The following CNTN5 variants were observed in gnomAD, a reference collection of about 807,000 sequenced individuals.
CNTN5 encodes the protein contactin-5.
CNTN5 carries 77 observed loss-of-function variants against 129.1 expected under a neutral mutation model. That is an observed-to-expected ratio of 0.60 (90% CI 0.50 to 0.72). The LOEUF (loss-of-function observed/expected upper bound fraction) is 0.72, where lower values mean the gene tolerates loss of function less well. Ranked by LOEUF, CNTN5 falls within the 30% of genes least tolerant of loss-of-function variation. The pLI is 0.00. For missense variants in CNTN5, 1,478 were observed against 1,328.8 expected (o/e 1.11, Z -1.75); for synonymous variants, 509 against 465.6 (o/e 1.09, Z -1.20).
chr11:100,350,721 G>A lies in CNTN5; in HGVS notation c.3050G>A (p.Gly1017Asp). 4 of 1,606,710 alleles carry A rather than the reference G, an allele frequency of 2.5e-6. No homozygotes were observed. The highest frequency in any genetic ancestry group is 3.4e-6 in the Non-Finnish European group (4 of 1,175,618). ...TCTCAGGTTTTTTATAGGCAAGAGG[G>A]TCACAGCAACAGCCAAGTTATTGAA... ...VGYKVFYRQE[G>D]HSNSQVIETQ... The change falls in exon 24 of 25, where the codon GGT becomes GAT. Residue 1017 changes from glycine (G) to aspartate (D), a missense_variant. Transcript: ENST00000524871.
At chr11:99,497,713 C>T (rs943437077) in intron 2 of CNTN5, among the ~76,000 whole-genome samples, 2 of 152,116 alleles carry the variant, frequency 1.3e-5, no homozygotes, top group African/African-American at 4.8e-5. Flanking sequence ...TTGGAGACTT[C>T]TTCCTACCAC....
At chr11:100,028,660 T>G (rs1308182310) in intron 9 of CNTN5, among the ~76,000 whole-genome samples, 1 of 152,192 alleles carries the variant, frequency 6.6e-6, no homozygotes, top group Non-Finnish European at 1.5e-5. Flanking sequence ...TCTGCTGCCC[T>G]TCAGCTTTTC....
At position 99,196,807 on chromosome 11, in the gene CNTN5, T is replaced by C. The variant is rs139568179; in HGVS notation, c.-209-128539T>C. Reference sequence around the variant, plus strand: ...ACAAAATTTTAAAACTTGTTTAACTTAATATGAAGATTAAATTATAAACAT... The same window carrying C: ...ACAAAATTTTAAAACTTGTTTAACTCAATATGAAGATTAAATTATAAACAT... On this transcript the variant is annotated intron_variant, in intron 1 of 24. Coordinates refer to ENST00000524871, the MANE Select transcript of CNTN5 (RefSeq NM_014361.4). 6.3e-3 allele frequency among the ~76,000 whole-genome samples: 964 copies of C among 152,126 alleles called. 5 individuals are homozygous for C. Among genetic ancestry groups the C allele is most frequent in the Non-Finnish European group, 7.5e-3 (512 of 67,862 alleles).
At chr11:99,474,593 G>T (rs1215064180) in intron 2 of CNTN5, among the ~76,000 whole-genome samples, 3 of 151,830 alleles carry the variant, frequency 2.0e-5, no homozygotes, top group African/African-American at 7.3e-5. Flanking sequence ...CAAGATTGAA[G>T]GAAAAATCAA....
intron 1 of CNTN5, among the ~76,000 whole-genome samples, chr11:99,121,989 A>G (rs1351135190): frequency 6.6e-6 from 1 of 151,844 alleles, no homozygotes; most frequent in Non-Finnish European, 1.5e-5. Flanking sequence ...ACATATATAT[A>G]TATTTTTATT....
At chr11:100,183,046 A>G (rs1948186392) in intron 13 of CNTN5, among the ~76,000 whole-genome samples, 1 of 152,286 alleles carries the variant, frequency 6.6e-6, no homozygotes, top group Non-Finnish European at 1.5e-5. Context: ...GGGAAATGCA[A>G]CTTAAAGCCA....
intron 15 of CNTN5, among the ~76,000 whole-genome samples, chr11:100,208,324 G>A (rs531888915): frequency 6.6e-6 from 1 of 152,056 alleles, no homozygotes; most frequent in Non-Finnish European, 1.5e-5. Flanking sequence ...CAAGACTCAC[G>A]CATCTGCAAT....
At chr11:99,628,541 G>A (rs1481114185) in intron 3 of CNTN5, among the ~76,000 whole-genome samples, 5 of 150,858 alleles carry the variant, frequency 3.3e-5, no homozygotes, top group Non-Finnish European at 7.4e-5. Flanking sequence ...CAACCAAAAC[G>A]TGTATAAAAA....
At chr11:99,251,658 A>G (rs749956753) in intron 1 of CNTN5, among the ~76,000 whole-genome samples, 3 of 152,144 alleles carry the variant, frequency 2.0e-5, no homozygotes, top group Non-Finnish European at 4.4e-5. Context: ...ATTGTCAAGC[A>G]GAGAGAATCA....
intron 3 of CNTN5, among the ~76,000 whole-genome samples, chr11:99,708,636 C>T (rs1674961803): frequency 6.6e-6 from 1 of 151,674 alleles, no homozygotes; most frequent in Admixed American, 6.6e-5. Context: ...GTTCTATCCT[C>T]CTCCATTTTT....
chr11:100,168,548 A>G (rs1328568233), intron 13 of CNTN5, among the ~76,000 whole-genome samples: 1 of 151,978 alleles, frequency 6.6e-6, no homozygotes, highest in Non-Finnish European at 1.5e-5. Context: ...GAATATTTTA[A>G]GCCCACTGTT....
At chr11:100,348,401 T>G (rs1952333439) in intron 23 of CNTN5, among the ~76,000 whole-genome samples, 1 of 152,046 alleles carries the variant, frequency 6.6e-6, no homozygotes, top group Non-Finnish European at 1.5e-5. Context: ...AAGGCCACAC[T>G]TAATCTCAAA....
chr11:99,648,800 T>C (rs1952055822), intron 3 of CNTN5, among the ~76,000 whole-genome samples: 1 of 151,634 alleles, frequency 6.6e-6, no homozygotes, highest in Admixed American at 6.6e-5. Flanking sequence ...GTAAAATAAG[T>C]CAGGAAGAGG....
At chr11:99,899,290 C>T (rs1180129438) in intron 6 of CNTN5, among the ~76,000 whole-genome samples, 2 of 151,992 alleles carry the variant, frequency 1.3e-5, no homozygotes, top group South Asian at 4.1e-4. Context: ...AAGTAGCCAT[C>T]CTTGTCTTTT....
chr11:99,242,351 C>G (rs1020264782), intron 1 of CNTN5, among the ~76,000 whole-genome samples: 1 of 152,004 alleles, frequency 6.6e-6, no homozygotes, highest in Non-Finnish European at 1.5e-5. Context: ...TCTGTTTTTT[C>G]ATTCAAGAGT....
intron 7 of CNTN5, among the ~76,000 whole-genome samples, chr11:99,925,721 T>G (rs190699490): frequency 4.6e-5 from 7 of 152,128 alleles, no homozygotes; most frequent in Non-Finnish European, 8.8e-5. Flanking sequence ...TTTGTGGGTT[T>G]TTTTTTTCTT....
intron 3 of CNTN5, among the ~76,000 whole-genome samples, chr11:99,793,473 A>G (rs927568952): frequency 2.0e-5 from 3 of 152,050 alleles, no homozygotes; most frequent in African/African-American, 4.8e-5. Context: ...GTCTTCCGCT[A>G]GATTTGGGGG....
chr11:100,315,661 C>T (rs1951560323), intron 21 of CNTN5, among the ~76,000 whole-genome samples: 1 of 151,982 alleles, frequency 6.6e-6, no homozygotes, highest in African/African-American at 2.4e-5. Flanking sequence ...ATGGCAGTAC[C>T]TCACAAAAAT....
rs1033691354 is a variant in CNTN5 at position 99,748,114 on chromosome 11, G to A, written c.56-71430G>A. 3.3e-5 allele frequency among the ~76,000 whole-genome samples: 5 copies of A among 151,960 alleles called. No homozygotes were observed. The South Asian group carries it at 1.0e-3, about 32-fold the overall frequency. Reference sequence around the variant, plus strand: ...ATGTGCTGCTGAATTGAGTTTGCTAGTTTTTTTGTTGAGGATTTTTGCATC... The same window carrying A: ...ATGTGCTGCTGAATTGAGTTTGCTAATTTTTTTGTTGAGGATTTTTGCATC... On this transcript the variant is annotated intron_variant, in intron 3 of 24. Transcript: ENST00000524871.
Sources: allele counts gnomAD v4.1 joint callset (sites outside exome capture counted in the v4.1 genomes callset), GRCh38; gene constraint gnomAD v4.1.1; transcripts MANE v1.5; gene names NCBI Gene and HGNC (gene_info 2026-07-23, HGNC 2026-07-21).